EBF2: variants seen among roughly 807,000 people sequenced by gnomAD.
EBF2 encodes the protein transcription factor COE2.
EBF2 carries 21 observed loss-of-function variants against 72.8 expected under a neutral mutation model. The observed-to-expected ratio is 0.29, with a 90% CI of 0.20 to 0.42. The LOEUF (loss-of-function observed/expected upper bound fraction) is 0.42, where lower values mean the gene tolerates loss of function less well. Among genes scored for constraint, EBF2 ranks in the 10% least tolerant of loss-of-function variants. The pLI is 1.00. For synonymous variants in EBF2, 299 were observed against 274.2 expected (o/e 1.09, Z -0.89); for missense variants, 637 against 731.2 (o/e 0.87, Z 1.49).
At chr8:25,948,955 C>T (rs17237292) in intron 6 of EBF2, among the ~76,000 whole-genome samples, 7,804 of 152,216 alleles carry the variant, frequency 0.051, 194 homozygotes, top group Middle Eastern at 0.099. Flanking sequence ...TCCAAATACA[C>T]GCCAAAAATC....
At chr8:25,852,120 AAG>A (rs1242126479) in intron 14 of EBF2, among the ~76,000 whole-genome samples, 1 of 152,198 alleles carries the variant, frequency 6.6e-6, no homozygotes, top group East Asian at 1.9e-4. Context: ...TATGGATAAA[AAG>A]AAAAAAATTG....
rs73677231 is a variant in EBF2, at chr8:25,861,006, T to A, written c.1342+43A>T. The A allele has an allele frequency of 5.4e-4, 870 of 1,613,116 alleles. 5 individuals are homozygous for A. The African/African-American group carries it at 0.01, about 19-fold the overall frequency. On this transcript the variant is annotated intron_variant, in intron 13 of 15. Transcript: ENST00000520164. ...CTCTGTCCACTCCAGCAGAACTTTT[T>A]AAATTAGACATATTTGGATTTTGAC... is the stretch of plus-strand genomic sequence containing the variant.
intron 6 of EBF2, among the ~76,000 whole-genome samples, chr8:26,026,047 C>T: frequency 6.6e-6 from 1 of 152,114 alleles, no homozygotes; most frequent in East Asian, 1.9e-4. Flanking sequence ...GGCATAGTGG[C>T]ACAACTGTAG....
intron 6 of EBF2, among the ~76,000 whole-genome samples, chr8:25,910,507 T>C (rs1298307959): frequency 6.6e-6 from 1 of 152,086 alleles, no homozygotes; most frequent in Non-Finnish European, 1.5e-5. Flanking sequence ...CTACCCCCAC[T>C]CCCCGCTCCA....
intron 14 of EBF2, among the ~76,000 whole-genome samples, chr8:25,857,182 TAAG>T (rs779111582): frequency 6.6e-6 from 1 of 152,076 alleles, no homozygotes; most frequent in African/African-American, 2.4e-5. Flanking sequence ...GTCTTTGCAG[TAAG>T]AAGATTTTCA....
intron 6 of EBF2, among the ~76,000 whole-genome samples, chr8:25,922,658 A>C (rs1803323562): frequency 6.6e-6 from 1 of 152,234 alleles, no homozygotes. Context: ...TCTAGTCCCC[A>C]AAAGTTGAAA....
rs559728822 is a variant in EBF2, at chr8:25,911,697, C to G, written c.552-3142G>C. Among the ~76,000 whole-genome samples the G allele has an allele frequency of 5.3e-5, 8 of 152,242 alleles. No homozygotes were observed. In the South Asian group the frequency reaches 1.5e-3, roughly 28 times the overall value. ...AAAGAAAAATGTACAGAGTTGAGAA[C>G]CTTCCTTCCAAAAAGGGTTACAGTG... On this transcript the variant is annotated intron_variant, in intron 6 of 15. Transcript: ENST00000520164.
At chr8:25,965,161 T>C (rs779391029) in intron 6 of EBF2, among the ~76,000 whole-genome samples, 3 of 152,206 alleles carry the variant, frequency 2.0e-5, no homozygotes, top group South Asian at 2.1e-4. Context: ...AACCTTACTA[T>C]ATTTTCATGG....
chr8:26,001,669 C>A (rs990029828), intron 6 of EBF2, among the ~76,000 whole-genome samples: 1 of 152,120 alleles, frequency 6.6e-6, no homozygotes, highest in Non-Finnish European at 1.5e-5. Flanking sequence ...CTGCCTCAGC[C>A]TCCTGAGTAG....
intron 6 of EBF2, among the ~76,000 whole-genome samples, chr8:25,926,837 CT>C (rs1373037651): frequency 4.6e-5 from 7 of 152,176 alleles, no homozygotes; most frequent in Admixed American, 4.6e-4. Context: ...CCAAACTGCC[CT>C]GAAGATCTGA....
At chr8:25,928,347 C>A (rs757580173) in intron 6 of EBF2, among the ~76,000 whole-genome samples, 9 of 152,144 alleles carry the variant, frequency 5.9e-5, no homozygotes, top group Non-Finnish European at 1.2e-4. Flanking sequence ...CAAGAGACAG[C>A]AAGAGAACCC....
At chr8:25,862,921 T>C (rs1193286802) in intron 10 of EBF2, 124 bp from the exon 11 acceptor site, 11 of 477,498 alleles carry the variant, frequency 2.3e-5, no homozygotes, top group Admixed American at 4.2e-5. Context: ...TTAGGGTTTT[T>C]GCTATCGACA....
intron 10 of EBF2, among the ~76,000 whole-genome samples, chr8:25,874,852 A>AG (rs1802494562): frequency 8.4e-6 from 1 of 118,686 alleles, no homozygotes; most frequent in African/African-American, 3.7e-5. Flanking sequence ...AGCCTGGCTA[A>AG]CTTTTTTTTT....
chr8:26,042,470 G>T (rs954233994), intron 1 of EBF2, among the ~76,000 whole-genome samples: 1 of 152,126 alleles, frequency 6.6e-6, no homozygotes, highest in Non-Finnish European at 1.5e-5. Flanking sequence ...GATACCTGGG[G>T]TCTCTGACAC....
chr8:25,845,501 C>T (rs1801814655), intron 15 of EBF2, among the ~76,000 whole-genome samples: 1 of 152,242 alleles, frequency 6.6e-6, no homozygotes, highest in African/African-American at 2.4e-5. Flanking sequence ...GTTGGGATTA[C>T]AGGCATGAGC....
chr8:25,865,064 G>A (rs768061696), intron 10 of EBF2, among the ~76,000 whole-genome samples: 5 of 152,082 alleles, frequency 3.3e-5, no homozygotes, highest in Non-Finnish European at 7.4e-5. Context: ...GCCTCACAAA[G>A]TGCTGGGATT....
chr8:25,945,035 G>A (rs1443225062), intron 6 of EBF2, among the ~76,000 whole-genome samples: 2 of 151,932 alleles, frequency 1.3e-5, no homozygotes, highest in African/African-American at 4.8e-5. Context: ...AGGGTTTGAT[G>A]CCTGCTCTTA....
intron 6 of EBF2, among the ~76,000 whole-genome samples, chr8:25,942,853 C>G (rs867917561): frequency 6.6e-6 from 1 of 152,272 alleles, no homozygotes; most frequent in African/African-American, 2.4e-5. Flanking sequence ...TTTCCACGCT[C>G]TTCTGCTGTT....
intron 14 of EBF2, among the ~76,000 whole-genome samples, chr8:25,854,448 T>G (rs998158639): frequency 2.0e-5 from 3 of 152,144 alleles, no homozygotes; most frequent in African/African-American, 7.2e-5. Context: ...ACCCTCTCTT[T>G]CATTGATCTT....
Sources: allele counts gnomAD v4.1 joint callset (sites outside exome capture counted in the v4.1 genomes callset), GRCh38; gene constraint gnomAD v4.1.1; transcripts MANE v1.5; gene names NCBI Gene and HGNC (gene_info 2026-07-23, HGNC 2026-07-21).